Variants in QSER1 observed in about 807,000 individuals in gnomAD.
QSER1 encodes glutamine and serine-rich protein 1.
QSER1 carries 49 observed loss-of-function variants against 158.5 expected under a neutral mutation model. The ratio of observed to expected loss-of-function variants is 0.31; its 90% CI spans 0.25 to 0.39. QSER1 has a LOEUF of 0.39. Among genes scored for constraint, QSER1 ranks in the 10% least tolerant of loss-of-function variants. The pLI is 1.00. For synonymous variants in QSER1, 650 were observed against 715.5 expected (o/e 0.91, Z 1.46); for missense variants, 1,754 against 2,010.3 (o/e 0.87, Z 2.44).
chr11:32,950,377 A>T (rs1001918498), intron 4 of QSER1, among the ~76,000 whole-genome samples: 6 of 152,136 alleles, frequency 3.9e-5, no homozygotes, highest in African/African-American at 1.4e-4. Flanking sequence ...TACAGGCATG[A>T]ACCACTGTGC....
chr11:32,920,971 A>G (rs1490871613), intron 1 of QSER1, among the ~76,000 whole-genome samples: 2 of 152,250 alleles, frequency 1.3e-5, no homozygotes, highest in African/African-American at 4.8e-5. Context: ...TGGAGTTTTC[A>G]TTTGACCCAG....
At chr11:32,903,301 G>T (rs1441879051) in intron 1 of QSER1, among the ~76,000 whole-genome samples, 1 of 151,354 alleles carries the variant, frequency 6.6e-6, no homozygotes, top group Non-Finnish European at 1.5e-5. Context: ...ACACTATTCT[G>T]GGGGCTTGGG....
intron 8 of QSER1, 41 bp downstream of exon 8, chr11:32,958,127 T>G (rs765370662): frequency 1.1e-5 from 17 of 1,482,394 alleles, no homozygotes; most frequent in Non-Finnish European, 1.5e-5. Flanking sequence ...AACTTTAGAT[T>G]ATCTACATGA....
chr11:32,957,017 A>G (rs1461069822), intron 7 of QSER1, among the ~76,000 whole-genome samples: 1 of 151,918 alleles, frequency 6.6e-6, no homozygotes, highest in Non-Finnish European at 1.5e-5. Flanking sequence ...TGCCTGCCTC[A>G]GCCTCCCAAA....
Position 32,969,224 on chromosome 11 carries a change from T to G in QSER1, c.5205+81T>G, listed in dbSNP as rs1279937509. Reference sequence around the variant, plus strand: ...ATAATAGGAAGGAAATTTATGAAAATTATTCACTTACAACATTTTTCACCT... The same window carrying G: ...ATAATAGGAAGGAAATTTATGAAAAGTATTCACTTACAACATTTTTCACCT... On this transcript the variant is annotated intron_variant, in intron 10 of 12. Coordinates refer to ENST00000650167, the MANE Select transcript of QSER1 (RefSeq NM_001076786.3). 4.6e-6 allele frequency: 4 copies of G among 865,306 alleles called. No homozygotes were observed. In the Admixed American group the frequency reaches 1.1e-4, roughly 23 times the overall value. The allele number at this position is 865,306 out of a possible 1,614,324, so 53.6% of individuals were successfully genotyped here.
At chr11:32,952,108 G>A (rs1384654254) in intron 4 of QSER1, among the ~76,000 whole-genome samples, 2 of 152,120 alleles carry the variant, frequency 1.3e-5, no homozygotes, top group African/African-American at 2.4e-5. Flanking sequence ...CCAAAGTGCT[G>A]GGATTACAGG....
chr11:32,924,552 C>G (rs1180501476), intron 1 of QSER1, among the ~76,000 whole-genome samples: 1 of 142,998 alleles, frequency 7.0e-6, no homozygotes, highest in Non-Finnish European at 1.5e-5. Context: ...CGGAGTGAGA[C>G]CCTGTCTCAA....
intron 4 of QSER1, among the ~76,000 whole-genome samples, chr11:32,936,297 T>C (rs1203624213): frequency 6.6e-6 from 1 of 152,036 alleles, no homozygotes; most frequent in Non-Finnish European, 1.5e-5. Flanking sequence ...TTTGGTTTTT[T>C]GTCCTTGCAA....
intron 3 of QSER1, among the ~76,000 whole-genome samples, chr11:32,929,587 AAC>A (rs1177753891): frequency 6.6e-6 from 1 of 152,200 alleles, no homozygotes; most frequent in Non-Finnish European, 1.5e-5. Flanking sequence ...ACTGGACCTA[AAC>A]TAATGTACTC....
At position 32,957,913 on chromosome 11, in the gene QSER1, C is replaced by T. The variant is rs1852548912; in HGVS notation, c.4796C>T (p.Pro1599Leu). 1 of 1,614,064 alleles carries T rather than the reference C, an allele frequency of 6.2e-7. No homozygotes were observed. The highest frequency in any genetic ancestry group is 1.1e-5 in the South Asian group (1 of 91,070). The change falls in exon 8 of 13, where the codon CCT becomes CTT. Residue 1599 changes from proline to leucine, a missense_variant. This residue lies in a region of QSER1 where 1,707 missense variants were observed against 1,919.6 expected (regional missense o/e 0.89). Coordinates refer to ENST00000650167, the MANE Select transcript of QSER1 (RefSeq NM_001076786.3). ...AGTAGTAGCAGTAAAACTTCTGATC[C>T]TCTAGCATCAAAAACTACAACTACA... ...KPSSSSKTSD[P>L]LASKTTTTKA...
chr11:32,894,645 G>A (rs1851532180), intron 1 of QSER1, among the ~76,000 whole-genome samples: 2 of 152,232 alleles, frequency 1.3e-5, no homozygotes, highest in Non-Finnish European at 2.9e-5. Flanking sequence ...GGACGATTGT[G>A]AAAGAATGAG....
chr11:32,914,078 G>A (rs1029313820), intron 1 of QSER1, among the ~76,000 whole-genome samples: 2 of 152,160 alleles, frequency 1.3e-5, no homozygotes, highest in African/African-American at 2.4e-5. Context: ...TGGCATTTAG[G>A]TATGAATGGG....
In QSER1 at chr11:32,932,496, C is replaced by G. The variant is rs375985705; in HGVS notation, c.1238C>G (p.Ser413Cys). 7 of 1,613,864 alleles carry G rather than the reference C, an allele frequency of 4.3e-6. No individual in the cohort carries two copies. The highest frequency in any genetic ancestry group is 1.7e-5 in the Admixed American group (1 of 59,988). Residue 413 changes from serine to cysteine, a missense_variant, in exon 4 of 13, where the codon TCT becomes TGT. By Grantham distance (112) the Ser-to-Cys change is moderately radical. Coordinates refer to ENST00000650167, the MANE Select transcript of QSER1 (RefSeq NM_001076786.3). ...PPSTTKIKSC[S>C]TEQPLTSTKT... ...TCTACTACAAAAATAAAAAGCTGTT[C>G]TACAGAACAACCACTGACATCAACC...
intron 1 of QSER1, among the ~76,000 whole-genome samples, chr11:32,912,170 C>A (rs1160123025): frequency 6.6e-6 from 1 of 152,180 alleles, no homozygotes; most frequent in Admixed American, 6.5e-5. Context: ...TAGGAATATT[C>A]ATTAGCCCTC....
chr11:32,951,620 A>G (rs1852423812), intron 4 of QSER1, among the ~76,000 whole-genome samples: 1 of 152,058 alleles, frequency 6.6e-6, no homozygotes, highest in Non-Finnish European at 1.5e-5. Context: ...GTGTTTTTAT[A>G]GTTTTTACAA....
intron 11 of QSER1, 81 bp downstream of exon 11, chr11:32,973,630 A>G (rs1311247216): frequency 1.5e-6 from 2 of 1,321,446 alleles, no homozygotes; most frequent in Non-Finnish European, 2.1e-6. Flanking sequence ...GAAACAAGCA[A>G]ATATTTTACT....
chr11:32,975,707 T>A, intron 12 of QSER1: 1 of 1,065,764 alleles, frequency 9.4e-7, no homozygotes, highest in Non-Finnish European at 1.2e-6. Flanking sequence ...CTGCCTTACT[T>A]ATTACTTAGA....
At position 32,892,873 on chromosome 11, in the gene QSER1, T is replaced by A. The variant is rs1851499182; in HGVS notation, c.-253T>A. Reference sequence around the variant, plus strand: ...CCGCCGCCGCCGCCGTCGCCGCGAGTCCCGGCCGCGGGTGCCTCCGCTTCC... The same window carrying A: ...CCGCCGCCGCCGCCGTCGCCGCGAGACCCGGCCGCGGGTGCCTCCGCTTCC... On this transcript the variant is annotated 5_prime_UTR_variant, in exon 1 of 13. Coordinates refer to ENST00000650167, the MANE Select transcript of QSER1 (RefSeq NM_001076786.3). 1.5e-5 allele frequency among the ~76,000 whole-genome samples: 1 copy of A among 68,108 alleles called. No individual in the cohort carries two copies. Among genetic ancestry groups the A allele is most frequent in the African/African-American group, 6.0e-5 (1 of 16,800 alleles). The allele number at this position is 68,108 out of a possible 152,430, so 44.7% of individuals were successfully genotyped here. A position where few individuals can be genotyped will look rare whatever the true frequency, so the allele number is the denominator to read the frequency against.
chr11:32,956,843 A>G (rs1051715416), intron 7 of QSER1, among the ~76,000 whole-genome samples: 1 of 152,190 alleles, frequency 6.6e-6, no homozygotes, highest in African/African-American at 2.4e-5. Context: ...TGGCATGATC[A>G]CGGCACTGCA....
Sources: gnomAD v4.1 joint callset for allele counts (sites outside exome capture counted in the v4.1 genomes callset) on GRCh38, gnomAD v4.1.1 for gene constraint, gnomAD v4.1.1 regional missense constraint, MANE v1.5 for transcripts, NCBI Gene and HGNC (gene_info 2026-07-23, HGNC 2026-07-21) for gene names.